Variants in RP9 observed in about 807,000 individuals in gnomAD.
RP9 encodes the protein RP9 pre-mRNA splicing factor.
Under a neutral mutation model 32.6 loss-of-function variants are expected in RP9, and 23 were observed. That is an observed-to-expected ratio of 0.71 (90% CI 0.51 to 1.00). The LOEUF (loss-of-function observed/expected upper bound fraction) is 1.00. Ranked by LOEUF, RP9 falls within the 50% of genes least tolerant of loss-of-function variation. The probability of loss-of-function intolerance (pLI) is 0.00; values close to 1 mark genes in which losing one functional copy is unlikely to be tolerated. For missense variants in RP9, 245 were observed against 285.3 expected (o/e 0.86, Z 1.02); for synonymous variants, 94 against 103.6 (o/e 0.91, Z 0.56).
chr7:33,097,916 G>A lies in RP9; in HGVS notation c.314-554C>T, dbSNP rs574233372. On this transcript the variant is annotated intron_variant, in intron 3 of 5. Transcript: ENST00000297157. The stretch of plus-strand genomic sequence containing the variant: ...ATTACAGGCGTGAGCCACCACGCCC[G>A]GCCCAAAAGGTACATTTTTTTTAAA... 4.6e-5 allele frequency among the ~76,000 whole-genome samples: 7 copies of A among 152,132 alleles called. No individual in the cohort carries two copies. In the South Asian group the frequency reaches 8.3e-4, roughly 18 times the overall value.
intron 1 of RP9, among the ~76,000 whole-genome samples, chr7:33,104,863 G>T (rs954995804): frequency 6.6e-6 from 1 of 152,170 alleles, no homozygotes; most frequent in South Asian, 2.1e-4. Flanking sequence ...TTACAGGTGT[G>T]AGCCAGCATG....
Position 33,109,355 on chromosome 7 carries a change from C to T in RP9, c.18G>A (p.Gly6=), listed in dbSNP as rs1309954920. Residue 6 remains glycine (G), a synonymous_variant, in exon 1 of 6, where the codon GGG becomes GGA. Transcript: ENST00000297157. This position sits in a 1 kb window ranked among gnomAD's most constrained non-coding sequence, Gnocchi z 4.9. MSSRP[G]REDVGAAGAR... is the part of the protein sequence containing the mutation. ...CGCCCGCAGCCCCCACGTCCTCGCG[C>T]CCAGGCCGGGACGACATGTCAGCCC... is the stretch of plus-strand genomic sequence containing the variant. The T allele has an allele frequency of 4.2e-6, 6 of 1,432,002 alleles. No individual in the cohort carries two copies. The highest frequency in any genetic ancestry group is 5.5e-6 in the Non-Finnish European group (6 of 1,095,276). The allele number at this position is 1,432,002 out of a possible 1,614,324, so 88.7% of individuals were successfully genotyped here.
At chr7:33,102,277 A>T (rs1402785844) in intron 1 of RP9, among the ~76,000 whole-genome samples, 1 of 152,222 alleles carries the variant, frequency 6.6e-6, no homozygotes, top group Non-Finnish European at 1.5e-5. Context: ...AGAAAACTGA[A>T]GTATGTTCAC....
At chr7:33,106,296 G>C (rs1315307557) in intron 1 of RP9, among the ~76,000 whole-genome samples, 2 of 152,104 alleles carry the variant, frequency 1.3e-5, no homozygotes, top group Non-Finnish European at 2.9e-5. Context: ...AGCCTCCCAA[G>C]TAGCTGGAAC....
chr7:33,109,286 A>T lies in RP9; in HGVS notation c.87T>A (p.Arg29=), dbSNP rs2128034574. The part of the protein sequence containing the change: ...REPPEQELQR[R]REQKRRRHDA... Reference sequence around the variant, plus strand: ...CGTGTCGCCGCCGCTTCTGCTCCCGACGTCGCTGCAGCTCCTGCTCCGGCG... The same window carrying T: ...CGTGTCGCCGCCGCTTCTGCTCCCGTCGTCGCTGCAGCTCCTGCTCCGGCG... Residue 29 remains arginine (R), a synonymous_variant, in exon 1 of 6, where the codon CGT becomes CGA. Coordinates refer to ENST00000297157, the MANE Select transcript of RP9 (RefSeq NM_203288.2). This position sits in a 1 kb window ranked among gnomAD's most constrained non-coding sequence, Gnocchi z 4.9. The T allele has an allele frequency of 1.3e-6, 2 of 1,485,086 alleles. No individual in the cohort carries two copies. Among genetic ancestry groups the T allele is most frequent in the Non-Finnish European group, 1.8e-6 (2 of 1,121,876 alleles). The allele number at this position is 1,485,086 out of a possible 1,614,324, so 92.0% of individuals were successfully genotyped here.
intron 1 of RP9, among the ~76,000 whole-genome samples, chr7:33,105,671 T>C (rs1174630344): frequency 2.6e-5 from 4 of 152,160 alleles, no homozygotes; most frequent in Non-Finnish European, 1.5e-5. Flanking sequence ...TCCTGCCCCA[T>C]ATCTGGGAGG....
At chr7:33,108,443 C>T (rs1788529935) in intron 1 of RP9, among the ~76,000 whole-genome samples, 1 of 152,226 alleles carries the variant, frequency 6.6e-6, no homozygotes, top group African/African-American at 2.4e-5. Flanking sequence ...AACCAAACAA[C>T]ACAGGATAAC....
chr7:33,106,559 G>C (rs1788501365), intron 1 of RP9, among the ~76,000 whole-genome samples: 2 of 152,190 alleles, frequency 1.3e-5, no homozygotes, highest in Non-Finnish European at 1.5e-5. Flanking sequence ...AAACAAGAAG[G>C]GTAGGTAAAG....
chr7:33,101,025 A>G, intron 1 of RP9: 1 of 305,942 alleles, frequency 3.3e-6, no homozygotes, highest in Non-Finnish European at 6.4e-6. Context: ...TTTTTTTGAG[A>G]CAGGGTCTTG....
At chr7:33,102,251 C>G (rs1788436494) in intron 1 of RP9, among the ~76,000 whole-genome samples, 1 of 152,150 alleles carries the variant, frequency 6.6e-6, no homozygotes, top group Non-Finnish European at 1.5e-5. Flanking sequence ...TAGTATTTAA[C>G]TACTAAATAC....
chr7:33,096,338 C>T (rs1424716867), intron 5 of RP9, among the ~76,000 whole-genome samples, 155 bp downstream of exon 5: 1 of 152,238 alleles, frequency 6.6e-6, no homozygotes, highest in Non-Finnish European at 1.5e-5. Flanking sequence ...TTCCCCAACA[C>T]TGGCCTTTTC....
chr7:33,103,752 C>T (rs1788460230), intron 1 of RP9, among the ~76,000 whole-genome samples: 3 of 152,132 alleles, frequency 2.0e-5, no homozygotes, highest in South Asian at 4.2e-4. Flanking sequence ...CCCAGGAAGT[C>T]GAGGCTGTAG....
In RP9 at chr7:33,109,118, C is replaced by CG; in HGVS notation, c.152+102dup. On this transcript the variant is annotated intron_variant, in intron 1 of 5. Transcript: ENST00000297157. The surrounding 1 kb of genome is among the most constrained non-coding windows in gnomAD (Gnocchi z 4.9). ...CGGGCCCAGCCCCCCTGCCTGCTCG[C>CG]GGGGGCTCGGAGGACCCGGCCTAGC... 7.1e-7 allele frequency: 1 copy of CG among 1,401,936 alleles called. No individual in the cohort carries two copies. The highest frequency in any genetic ancestry group is 1.4e-5 in the South Asian group (1 of 70,760). 86.8% of individuals were successfully genotyped at this position (1,401,936 alleles called of 1,614,324 possible).
intron 2 of RP9, chr7:33,100,041 C>T (rs1584001299): frequency 1.2e-5 from 2 of 173,686 alleles, no homozygotes; most frequent in Admixed American, 5.5e-5. Context: ...TTTTCTTGGC[C>T]GTGGCCTGCC....
Position 33,099,289 on chromosome 7 carries a change from A to T in RP9, c.313+18T>A. 1.2e-6 allele frequency: 2 copies of T among 1,612,380 alleles called. No individual in the cohort carries two copies. Among genetic ancestry groups the T allele is most frequent in the East Asian group, 2.2e-5 (1 of 44,876 alleles). ...GGCATGTAAGTTGCATGGATTAGGGAAACTCTCCCACACTCACACTGCATA... is the reference window on the plus strand; with the variant it reads ...GGCATGTAAGTTGCATGGATTAGGGTAACTCTCCCACACTCACACTGCATA... On this transcript the variant is annotated intron_variant, in intron 3 of 5. Coordinates refer to ENST00000297157, the MANE Select transcript of RP9 (RefSeq NM_203288.2).
At chr7:33,105,315 C>T (rs1050105247) in intron 1 of RP9, among the ~76,000 whole-genome samples, 1 of 152,114 alleles carries the variant, frequency 6.6e-6, no homozygotes, top group Admixed American at 6.5e-5. Context: ...GAGAAGGCCT[C>T]AGAAGACAGT....
intron 5 of RP9, among the ~76,000 whole-genome samples, chr7:33,096,184 T>G (rs1464001124): frequency 2.0e-5 from 3 of 152,200 alleles, no homozygotes; most frequent in African/African-American, 7.2e-5. Context: ...CTGGAGAAGA[T>G]AAACTGAATC....
Position 33,094,998 on chromosome 7 carries a change from A to G in RP9, c.*236T>C, listed in dbSNP as rs1788307494. ...TAAACTCATGTGACCAGCAGGGAGGACAACGATGAAGAAACTTTCCTGCCT... is the reference window on the plus strand; with the variant it reads ...TAAACTCATGTGACCAGCAGGGAGGGCAACGATGAAGAAACTTTCCTGCCT... On this transcript the variant is annotated 3_prime_UTR_variant, in exon 6 of 6. Coordinates refer to ENST00000297157, the MANE Select transcript of RP9 (RefSeq NM_203288.2). 3.6e-6 allele frequency: 2 copies of G among 550,396 alleles called. No individual in the cohort carries two copies. Among genetic ancestry groups the G allele is most frequent in the Non-Finnish European group, 3.3e-6 (1 of 303,664 alleles). 34.1% of individuals were successfully genotyped at this position (550,396 alleles called of 1,614,324 possible).
chr7:33,105,832 C>T (rs974109291), intron 1 of RP9, among the ~76,000 whole-genome samples: 1 of 152,166 alleles, frequency 6.6e-6, no homozygotes, highest in Admixed American at 6.5e-5. Flanking sequence ...AAATAGTTTC[C>T]TCTGGGTCTC....
Sources: gnomAD v4.1 joint callset for allele counts (sites outside exome capture counted in the v4.1 genomes callset) on GRCh38, gnomAD v4.1.1 for gene constraint, Gnocchi (gnomAD v3.1) non-coding constraint, MANE v1.5 for transcripts, NCBI Gene and HGNC (gene_info 2026-07-23, HGNC 2026-07-21) for gene names.